Variants in NGEF observed in about 807,000 individuals in gnomAD.
NGEF encodes the protein neuronal guanine nucleotide exchange factor, also known as ephexin-1.
A neutral mutation model predicts 80.9 loss-of-function variants in NGEF; 31 were observed. That is an observed-to-expected ratio of 0.38 (90% CI 0.29 to 0.52). The LOEUF is 0.52. Among genes scored for constraint, NGEF ranks in the 20% least tolerant of loss-of-function variants. The pLI, the probability that NGEF is intolerant of heterozygous loss-of-function variation, is 0.84. For missense variants in NGEF, 709 were observed against 926.2 expected (o/e 0.77, Z 3.04); for synonymous variants, 371 against 370.2 (o/e 1.00, Z -0.03).
rs2106324060 is a variant in NGEF, at chr2:232,974,905, A to C, written c.-15T>G. ...CTGGTCTCCATGGAAATAGAGCCAG[A>C]TGTTTCTCAGCAGAACGACTGGAGG... is the stretch of plus-strand genomic sequence containing the variant. On this transcript the variant is annotated 5_prime_UTR_variant, in exon 2 of 15. Coordinates refer to ENST00000264051, the MANE Select transcript of NGEF (RefSeq NM_019850.3). 6.2e-7 allele frequency: 1 copy of C among 1,610,416 alleles called. No individual in the cohort carries two copies. Among genetic ancestry groups the C allele is most frequent in the Non-Finnish European group, 8.5e-7 (1 of 1,178,502 alleles).
At chr2:232,965,510 C>T (rs908726289) in intron 3 of NGEF, among the ~76,000 whole-genome samples, 9 of 152,110 alleles carry the variant, frequency 5.9e-5, no homozygotes, top group Admixed American at 1.3e-4. Context: ...CAAGAGAAGC[C>T]GGGAGCAAAT....
At chr2:232,899,095 GTA>G (rs1692189031) in intron 5 of NGEF, among the ~76,000 whole-genome samples, 1 of 151,930 alleles carries the variant, frequency 6.6e-6, no homozygotes, top group South Asian at 2.1e-4. Flanking sequence ...GTGTAAATGA[GTA>G]TGTATGAAGG....
intron 3 of NGEF, among the ~76,000 whole-genome samples, chr2:232,962,452 G>A (rs943608584): frequency 1.3e-5 from 2 of 151,922 alleles, no homozygotes; most frequent in African/African-American, 2.4e-5. Context: ...GGGAAGCTGA[G>A]GCAGGAGAAT....
chr2:232,900,332 G>A (rs867839947), intron 5 of NGEF, among the ~76,000 whole-genome samples: 37 of 33,860 alleles, frequency 1.1e-3, no homozygotes, highest in South Asian at 2.1e-3. Flanking sequence ...ACTCACACAC[G>A]CTCTCACAGT....
intron 5 of NGEF, among the ~76,000 whole-genome samples, chr2:232,903,406 A>T (rs1692410965): frequency 6.6e-6 from 1 of 151,760 alleles, no homozygotes; most frequent in Non-Finnish European, 1.5e-5. Flanking sequence ...TCAGTATTTT[A>T]ATACTAGTTT....
At chr2:232,981,347 C>T (rs961841459) in intron 1 of NGEF, among the ~76,000 whole-genome samples, 7 of 151,694 alleles carry the variant, frequency 4.6e-5, no homozygotes, top group African/African-American at 1.7e-4. Context: ...CGAAAAGACC[C>T]CTTTCTTGCC....
rs755742877 is a variant in NGEF, at chr2:232,970,195, A to G, written c.383+19T>C. On this transcript the variant is annotated intron_variant, in intron 3 of 14. Coordinates refer to ENST00000264051, the MANE Select transcript of NGEF (RefSeq NM_019850.3). ...CATCTTTCCCAGACCAGCATTCCTC[A>G]TGATCTGCCATCTCTTACCTCATTT... The G allele has an allele frequency of 9.7e-6, 14 of 1,444,610 alleles. No homozygotes were observed. Among genetic ancestry groups the G allele is most frequent in the Admixed American group, 8.7e-5 (4 of 45,874 alleles). 89.5% of individuals were successfully genotyped at this position (1,444,610 alleles called of 1,614,324 possible).
intron 1 of NGEF, among the ~76,000 whole-genome samples, chr2:232,984,372 G>A (rs942423278): frequency 3.3e-5 from 5 of 151,974 alleles, no homozygotes; most frequent in Non-Finnish European, 5.9e-5. Context: ...AATTACTGGT[G>A]TAAACCATTA....
rs138621391 is a variant in NGEF at position 232,879,539 on chromosome 2, G to A, written c.2083C>T (p.Arg695Cys). ...TTCCTGCGGTCCTTGTTCTGGCTGC[G>A]CTGAGGGTCATCCATCTTGTGGACA... ...FRVHKMDDPQRSQNKDRRKLG... is the reference protein window; with the variant it reads ...FRVHKMDDPQCSQNKDRRKLG... Residue 695 changes from arginine (R) to cysteine (C), a missense_variant, in exon 15 of 15, where the codon CGC (arginine) becomes TGC (cysteine). By Grantham distance (180) the Arg-to-Cys change is radical. Around this residue, in one of 2 missense-constraint regions of NGEF, gnomAD observed 426 missense variants for 622.9 expected, o/e 0.68. Coordinates refer to ENST00000264051, the MANE Select transcript of NGEF (RefSeq NM_019850.3). The A allele has an allele frequency of 2.7e-5, 44 of 1,613,806 alleles. No individual in the cohort carries two copies. The highest frequency in any genetic ancestry group is 2.5e-4 in the African/African-American group (19 of 75,036).
intron 5 of NGEF, among the ~76,000 whole-genome samples, chr2:232,898,582 G>A (rs1378222794): frequency 1.3e-5 from 2 of 152,162 alleles, no homozygotes; most frequent in Non-Finnish European, 2.9e-5. Context: ...TTTCCTTATC[G>A]ATATTACTTT....
At chr2:232,956,602 A>G (rs1359918325) in intron 3 of NGEF, among the ~76,000 whole-genome samples, 1 of 151,976 alleles carries the variant, frequency 6.6e-6, no homozygotes, top group African/African-American at 2.4e-5. Flanking sequence ...CTCCGTCTCT[A>G]CTAAAAATAC....
chr2:233,002,469 G>A (rs1482516812), intron 1 of NGEF, among the ~76,000 whole-genome samples: 1 of 152,098 alleles, frequency 6.6e-6, no homozygotes, highest in African/African-American at 2.4e-5. Context: ...CTTCAGGCCA[G>A]GAGTTCGAGA....
chr2:232,910,461 G>A (rs1036409335), intron 5 of NGEF, among the ~76,000 whole-genome samples: 6 of 151,854 alleles, frequency 4.0e-5, no homozygotes, highest in South Asian at 2.1e-4. Context: ...GGGGTGGGGG[G>A]GGTAATGGGG....
At chr2:232,989,035 C>T (rs1436934380) in intron 1 of NGEF, among the ~76,000 whole-genome samples, 1 of 152,168 alleles carries the variant, frequency 6.6e-6, no homozygotes, top group Non-Finnish European at 1.5e-5. Flanking sequence ...TGGTTACACA[C>T]ACACAAACAC....
intron 1 of NGEF, among the ~76,000 whole-genome samples, chr2:232,975,314 TA>T (rs1396814100): frequency 2.0e-5 from 3 of 152,260 alleles, no homozygotes; most frequent in African/African-American, 7.2e-5. Flanking sequence ...AGAGGGACCG[TA>T]AATGTCTAGA....
At chr2:232,906,990 C>A (rs1358386130) in intron 5 of NGEF, among the ~76,000 whole-genome samples, 2 of 150,576 alleles carry the variant, frequency 1.3e-5, no homozygotes, top group African/African-American at 4.9e-5. Flanking sequence ...GCAGCATGCT[C>A]GTTAAGAGTC....
chr2:232,987,353 T>C (rs1694554739), intron 1 of NGEF, among the ~76,000 whole-genome samples: 1 of 152,152 alleles, frequency 6.6e-6, no homozygotes, highest in Non-Finnish European at 1.5e-5. Context: ...GAATTGCTGC[T>C]AAGGCCAAAC....
chr2:232,880,146 C>T (rs758426039), intron 14 of NGEF, among the ~76,000 whole-genome samples: 6 of 152,158 alleles, frequency 3.9e-5, no homozygotes, highest in African/African-American at 7.2e-5. Flanking sequence ...TAGCCTCTTG[C>T]GGGGCCGATC....
At chr2:232,993,824 C>A (rs75687631) in intron 1 of NGEF, among the ~76,000 whole-genome samples, 1 of 152,084 alleles carries the variant, frequency 6.6e-6, no homozygotes, top group Non-Finnish European at 1.5e-5. Context: ...GGGAGGACCA[C>A]ATATTGTATG....
Sources: allele counts gnomAD v4.1 joint callset (sites outside exome capture counted in the v4.1 genomes callset), GRCh38; gene constraint gnomAD v4.1.1; regional missense constraint gnomAD v4.1.1; transcripts MANE v1.5; gene names NCBI Gene and HGNC (gene_info 2026-07-23, HGNC 2026-07-21).